Variants in TIMD4 observed in about 807,000 individuals in gnomAD.
TIMD4 encodes T-cell immunoglobulin and mucin domain-containing protein 4.
In TIMD4, 31 loss-of-function variants were observed where a neutral mutation model predicts 41.2. That is an observed-to-expected ratio of 0.75 (90% CI 0.57 to 1.01). The LOEUF (loss-of-function observed/expected upper bound fraction) is 1.01. TIMD4 is among the 50% of genes least tolerant of loss of function. TIMD4 has a pLI of 0.00. For synonymous variants in TIMD4, 204 were observed against 177.1 expected, an observed-to-expected ratio of 1.15 and a Z score of -1.21; for missense variants, 479 against 472.5, an observed-to-expected ratio of 1.01 and a Z score of -0.13.
chr5:156,963,169 C>T lies in TIMD4; in HGVS notation c.30G>A (p.Leu10=). Residue 10 remains leucine (L), a synonymous_variant, in exon 1 of 9, where the codon CTG becomes CTA. Transcript: ENST00000274532. The stretch of plus-strand genomic sequence containing the variant: ...GGTAAAGCCACCAAAACTCAATCAT[C>T]AGCCAGAGAATGAGAGGTTCTTTGG... MSKEPLILW[L]MIEFWWLYLT... is the part of the protein sequence containing the mutation. The T allele has an allele frequency of 6.2e-7, 1 of 1,614,184 alleles. No individual in the cohort carries two copies. Among genetic ancestry groups the T allele is most frequent in the Non-Finnish European group, 8.5e-7 (1 of 1,180,000 alleles).
At chr5:156,962,466 G>C (rs754200769) in intron 1 of TIMD4, among the ~76,000 whole-genome samples, 4 of 152,166 alleles carry the variant, frequency 2.6e-5, no homozygotes, top group African/African-American at 4.8e-5. Flanking sequence ...TCTTGTCCTA[G>C]AAGCACAGAT....
chr5:156,939,236 G>A (rs919925135), intron 5 of TIMD4, among the ~76,000 whole-genome samples: 3 of 152,178 alleles, frequency 2.0e-5, no homozygotes, highest in Non-Finnish European at 2.9e-5. Context: ...ACCTCTTCAA[G>A]CCTTAGTTTT....
chr5:156,920,343 T>C, intron 8 of TIMD4, 121 bp downstream of exon 8: 1 of 1,123,572 alleles, frequency 8.9e-7, no homozygotes, highest in East Asian at 2.4e-5. Flanking sequence ...TAATGTCACA[T>C]CTTTCCAACT....
chr5:156,919,502 G>A lies in TIMD4; in HGVS notation c.1092C>T (p.Asp364=), dbSNP rs557122807. 1.1e-5 allele frequency: 17 copies of A among 1,613,998 alleles called. No homozygotes were observed. The highest frequency in any genetic ancestry group is 1.7e-5 in the Admixed American group (1 of 60,020). The change falls in exon 9 of 9, where the codon GAC becomes GAT. Residue 364 remains aspartate, a synonymous_variant. Transcript: ENST00000274532. ...YIGDSKNVLN[D]VQHGREDEDG... Reference sequence around the variant, plus strand: ...CTTCGTCTTCCCTTCCATGCTGCACGTCATTGAGGACATTTTTACTATCTC... The same window carrying A: ...CTTCGTCTTCCCTTCCATGCTGCACATCATTGAGGACATTTTTACTATCTC...
intron 2 of TIMD4, 136 bp downstream of exon 2, chr5:156,954,279 G>A (rs988180324): frequency 7.0e-6 from 6 of 858,678 alleles, no homozygotes; most frequent in Non-Finnish European, 1.0e-5. Context: ...TTCAAACCAC[G>A]GCACTTTATT....
At chr5:156,936,757 A>G (rs1189037023) in intron 5 of TIMD4, among the ~76,000 whole-genome samples, 2 of 151,518 alleles carry the variant, frequency 1.3e-5, no homozygotes, top group African/African-American at 4.9e-5. Flanking sequence ...TCTCTACAAA[A>G]GTACAAAAAA....
intron 3 of TIMD4, among the ~76,000 whole-genome samples, chr5:156,950,036 T>C (rs1257256129): frequency 6.6e-6 from 1 of 152,196 alleles, no homozygotes; most frequent in Non-Finnish European, 1.5e-5. Flanking sequence ...TGGGATGGTC[T>C]CAAACCCCTG....
intron 5 of TIMD4, among the ~76,000 whole-genome samples, chr5:156,931,801 C>T (rs913455151): frequency 2.0e-5 from 3 of 152,198 alleles, no homozygotes; most frequent in Non-Finnish European, 2.9e-5. Context: ...TCTCTGCCAT[C>T]ACTAAGTATT....
intron 7 of TIMD4, among the ~76,000 whole-genome samples, chr5:156,921,834 G>T (rs945199146): frequency 6.6e-6 from 1 of 152,064 alleles, no homozygotes; most frequent in Non-Finnish European, 1.5e-5. Context: ...ATCAGGACTG[G>T]CACAGAAATG....
intron 5 of TIMD4, among the ~76,000 whole-genome samples, chr5:156,932,959 G>A (rs1006179656): frequency 1.3e-5 from 2 of 151,396 alleles, no homozygotes; most frequent in East Asian, 1.9e-4. Context: ...AGCTGAGATC[G>A]TGCCACTGCA....
At chr5:156,922,866 T>C (rs1168278584) in intron 6 of TIMD4, among the ~76,000 whole-genome samples, 1 of 152,186 alleles carries the variant, frequency 6.6e-6, no homozygotes, top group Non-Finnish European at 1.5e-5. Context: ...TTCTCAGTAA[T>C]TTTTTCATTC....
chr5:156,948,543 G>T, intron 4 of TIMD4, 44 bp from the exon 5 acceptor site: 2 of 1,383,682 alleles, frequency 1.4e-6, no homozygotes, highest in Non-Finnish European at 2.0e-6. Flanking sequence ...TTAGGTAAAT[G>T]CTTGTCTTCC....
At chr5:156,950,215 G>A (rs10475857) in intron 3 of TIMD4, among the ~76,000 whole-genome samples, 17 of 152,010 alleles carry the variant, frequency 1.1e-4, no homozygotes, top group Admixed American at 2.6e-4. Context: ...ATCCTCCTGC[G>A]TCAACCTCTG....
chr5:156,959,961 T>A (rs973318391), intron 1 of TIMD4, among the ~76,000 whole-genome samples: 20 of 152,102 alleles, frequency 1.3e-4, no homozygotes, highest in African/African-American at 4.8e-4. Context: ...GAGAATTGCT[T>A]GAGCCTGGGA....
chr5:156,934,543 C>T (rs1005231027), intron 5 of TIMD4, among the ~76,000 whole-genome samples: 4 of 152,102 alleles, frequency 2.6e-5, no homozygotes, highest in East Asian at 1.9e-4. Flanking sequence ...CCTCCCAAGT[C>T]GTTCTCCCAA....
chr5:156,951,000 C>G (rs967366453), intron 3 of TIMD4, among the ~76,000 whole-genome samples: 1 of 119,586 alleles, frequency 8.4e-6, no homozygotes, highest in African/African-American at 2.8e-5. Context: ...GTGAAAACAC[C>G]TCCTCGTACA....
Position 156,951,733 on chromosome 5 carries a change from CTTGTTG to C in TIMD4, c.452_457del (p.Thr151_Thr152del). 1 of 1,613,858 alleles carries C rather than the reference CTTGTTG, an allele frequency of 6.2e-7. No individual in the cohort carries two copies. Among genetic ancestry groups the C allele is most frequent in the Non-Finnish European group, 8.5e-7 (1 of 1,179,968 alleles). On this transcript the variant is annotated inframe_deletion, in exon 3 of 9. Transcript: ENST00000274532. ...TGTCATTTGTCGGGTGGTGGTGGGGCTTGTTGTTGTTGTTCTGCGTGTGGTGGTGGT... is the reference window on the plus strand; with the variant it reads ...TGTCATTTGTCGGGTGGTGGTGGGGCTTGTTGTTCTGCGTGTGGTGGTGGT...
chr5:156,946,580 C>T (rs1759746952), intron 5 of TIMD4, among the ~76,000 whole-genome samples: 1 of 152,008 alleles, frequency 6.6e-6, no homozygotes, highest in Non-Finnish European at 1.5e-5. Context: ...AGGTTCACGC[C>T]ATTCTCCTGC....
At chr5:156,943,216 G>A (rs1581623510) in intron 5 of TIMD4, among the ~76,000 whole-genome samples, 1 of 152,116 alleles carries the variant, frequency 6.6e-6, no homozygotes. Context: ...CAGCAGAGAT[G>A]TAAAGAAAAG....
Sources: allele counts gnomAD v4.1 joint callset (sites outside exome capture counted in the v4.1 genomes callset), GRCh38; gene constraint gnomAD v4.1.1; transcripts MANE v1.5; gene names NCBI Gene and HGNC (gene_info 2026-07-23, HGNC 2026-07-21).